The following CRHR1 variants were observed in gnomAD, a reference collection of about 807,000 sequenced individuals.
The protein encoded by CRHR1 is corticotropin releasing hormone receptor 1, also known as corticotropin-releasing hormone receptor 1.
A neutral mutation model predicts 56.0 loss-of-function variants in CRHR1; 28 were observed. The ratio of observed to expected loss-of-function variants is 0.50; its 90% CI spans 0.37 to 0.69. The LOEUF (loss-of-function observed/expected upper bound fraction) is 0.69. Ranked by LOEUF, CRHR1 falls within the 30% of genes least tolerant of loss-of-function variation. CRHR1 has a pLI of 0.00. For missense variants in CRHR1, 376 were observed against 548.0 expected, an observed-to-expected ratio of 0.69 and a Z score of 3.13; for synonymous variants, 195 against 216.5, an observed-to-expected ratio of 0.90 and a Z score of 0.87.
rs566220532 is a variant in CRHR1, at chr17:45,794,390, C to T, written c.33+9813C>T. ...AGTCCTCACCACCCTTTGAATAGCA[C>T]GGGCCTAAAGCCCTCCTTTGGGGCC... On this transcript the variant is annotated intron_variant, in intron 1 of 12. Coordinates refer to ENST00000314537, the MANE Select transcript of CRHR1 (RefSeq NM_004382.5). Among the ~76,000 whole-genome samples the T allele has an allele frequency of 7.9e-5, 12 of 152,360 alleles. No homozygotes were observed. The East Asian group carries it at 9.6e-4, about 12-fold the overall frequency.
Sources: gnomAD v4.1 joint callset for allele counts (sites outside exome capture counted in the v4.1 genomes callset) on GRCh38, gnomAD v4.1.1 for gene constraint, MANE v1.5 for transcripts, NCBI Gene and HGNC (gene_info 2026-07-23, HGNC 2026-07-21) for gene names.